The following GLIS3 variants were observed in gnomAD, a reference collection of about 807,000 sequenced individuals.
The protein encoded by GLIS3 is zinc finger protein GLIS3.
In GLIS3, 53 loss-of-function variants were observed where a neutral mutation model predicts 78.6. The ratio of observed to expected loss-of-function variants is 0.67; its 90% CI spans 0.54 to 0.85. The LOEUF (loss-of-function observed/expected upper bound fraction) is 0.85. Ranked by LOEUF, GLIS3 falls within the 40% of genes least tolerant of loss-of-function variation. The probability of loss-of-function intolerance (pLI) is 0.00; values close to 1 mark genes in which losing one functional copy is unlikely to be tolerated. For synonymous variants in GLIS3, 684 were observed against 509.9 expected (o/e 1.34, Z -4.60); for missense variants, 1,703 against 1,231.1 (o/e 1.38, Z -5.74).
chr9:4,449,900 G>A, the GLIS3 span, among the ~76,000 whole-genome samples: 18 of 152,278 alleles, frequency 1.2e-4, 1 homozygote, highest in South Asian at 3.7e-3. Context: ...AAACTAGAGA[G>A]GAAAACCTGA....
At chr9:4,292,148 A>G (rs1489945869) in intron 1 of GLIS3, among the ~76,000 whole-genome samples, 1 of 152,174 alleles carries the variant, frequency 6.6e-6, no homozygotes, top group Non-Finnish European at 1.5e-5. Flanking sequence ...TCTACATTCA[A>G]TGAAGTATTC....
intron 2 of GLIS3, among the ~76,000 whole-genome samples, chr9:4,212,847 G>C (rs551215066): frequency 9.9e-4 from 151 of 152,270 alleles, no homozygotes; most frequent in African/African-American, 3.5e-3. Context: ...GAGCTTCATA[G>C]GCACATTAAA....
intron 9 of GLIS3, among the ~76,000 whole-genome samples, chr9:3,840,753 T>C (rs1818662265): frequency 6.6e-6 from 1 of 152,184 alleles, no homozygotes; most frequent in Non-Finnish European, 1.5e-5. Context: ...AAAGTCCACG[T>C]GGTTCCAAGA....
At chr9:3,836,228 CA>C (rs1818342049) in intron 9 of GLIS3, among the ~76,000 whole-genome samples, 1 of 152,206 alleles carries the variant, frequency 6.6e-6, no homozygotes, top group South Asian at 2.1e-4. Flanking sequence ...AAGCAGATAT[CA>C]GCGGCAGAGG....
the GLIS3 span, among the ~76,000 whole-genome samples, chr9:4,481,888 A>G: frequency 6.6e-6 from 1 of 152,224 alleles, no homozygotes; most frequent in Non-Finnish European, 1.5e-5. Flanking sequence ...GACACTACCC[A>G]TTTCTCCATA....
intron 4 of GLIS3, among the ~76,000 whole-genome samples, chr9:4,064,073 A>C (rs1388236810): frequency 6.6e-6 from 1 of 152,228 alleles, no homozygotes; most frequent in East Asian, 1.9e-4. Flanking sequence ...AACAGAGGAA[A>C]GAATCAAGTA....
chr9:4,463,017 T>C, the GLIS3 span, among the ~76,000 whole-genome samples: 2 of 152,224 alleles, frequency 1.3e-5, no homozygotes, highest in African/African-American at 2.4e-5. Flanking sequence ...ACAATCTTCC[T>C]GGCATTTTTC....
chr9:4,050,738 A>C lies in GLIS3; in HGVS notation c.1710+67030T>G, dbSNP rs574952321. 3.3e-5 allele frequency among the ~76,000 whole-genome samples: 5 copies of C among 152,218 alleles called. No homozygotes were observed. In the South Asian group the frequency reaches 1.0e-3, roughly 32 times the overall value. ...CTTTCCTGTGGGATTCTGATCTTTC[A>C]GTACTAACTTTTTAAAGCCTTCAAA... On this transcript the variant is annotated intron_variant, in intron 4 of 10. Coordinates refer to ENST00000381971, the MANE Select transcript of GLIS3 (RefSeq NM_001042413.2).
At chr9:4,393,182 TTC>T in the GLIS3 span, among the ~76,000 whole-genome samples, 3 of 152,168 alleles carry the variant, frequency 2.0e-5, no homozygotes, top group African/African-American at 7.2e-5. Flanking sequence ...TGCTTACATT[TTC>T]TGTTTTCTCC....
At chr9:4,481,458 C>A in the GLIS3 span, among the ~76,000 whole-genome samples, 6 of 151,436 alleles carry the variant, frequency 4.0e-5, no homozygotes, top group African/African-American at 1.2e-4. Flanking sequence ...CCAGCCTGGG[C>A]AACAGAGCAA....
At chr9:3,939,353 C>T (rs7857436) in intron 4 of GLIS3, among the ~76,000 whole-genome samples, 19,416 of 152,256 alleles carry the variant, frequency 0.13, 1,569 homozygotes, top group Middle Eastern at 0.23. Context: ...TTAATTCAAA[C>T]TGTTCACTTG....
chr9:4,082,192 T>C (rs144982527), intron 4 of GLIS3, among the ~76,000 whole-genome samples: 5 of 152,374 alleles, frequency 3.3e-5, no homozygotes, highest in African/African-American at 1.2e-4. Context: ...AAGAGCATCA[T>C]GCAGGCAGCA....
Position 4,322,686 on chromosome 9 carries a change from T to A in GLIS3, n.265-12158A>T, listed in dbSNP as rs575543907. 7.9e-5 allele frequency among the ~76,000 whole-genome samples: 12 copies of A among 152,364 alleles called. No homozygotes were observed. In the South Asian group the frequency reaches 2.5e-3, roughly 32 times the overall value. Reference sequence around the variant, plus strand: ...GTGATGATGAGCATTTTTTCATGTGTCTGTTGGCTGCATAAAAGTCTTCTT... The same window carrying A: ...GTGATGATGAGCATTTTTTCATGTGACTGTTGGCTGCATAAAAGTCTTCTT... On this transcript the variant is annotated intron_variant and non_coding_transcript_variant, in intron 2 of 4. Coordinates refer to the GLIS3 transcript ENST00000471664.
At chr9:4,391,801 A>G in the GLIS3 span, among the ~76,000 whole-genome samples, 33,919 of 151,964 alleles carry the variant, frequency 0.22, 4,533 homozygotes, top group East Asian at 0.36. Context: ...ATTTTTGGGG[A>G]GGAATGTAAA....
chr9:4,298,524 G>A (rs901338501), intron 1 of GLIS3: 21 of 395,230 alleles, frequency 5.3e-5, no homozygotes, highest in Non-Finnish European at 9.6e-5. Flanking sequence ...GTGTGTCTAG[G>A]AGAGAGCCGG....
At chr9:4,350,513 G>A (rs1051062234), upstream of GLIS3, among the ~76,000 whole-genome samples, 20 of 152,060 alleles carry the variant, frequency 1.3e-4, no homozygotes, top group African/African-American at 3.4e-4. Context: ...TAATCCTGCC[G>A]TACTATATCT....
intron 4 of GLIS3, among the ~76,000 whole-genome samples, chr9:4,092,007 A>C (rs942825615): frequency 4.6e-5 from 7 of 152,164 alleles, no homozygotes; most frequent in Non-Finnish European, 8.8e-5. Context: ...GTTCTGGGTG[A>C]GTGAGTGCTG....
chr9:3,903,447 G>A (rs149578914), intron 6 of GLIS3, among the ~76,000 whole-genome samples: 22 of 152,322 alleles, frequency 1.4e-4, no homozygotes, highest in African/African-American at 5.1e-4. Flanking sequence ...AAGGACTGCC[G>A]TGTTGCATGA....
chr9:4,411,099 C>G, the GLIS3 span, among the ~76,000 whole-genome samples: 1 of 152,064 alleles, frequency 6.6e-6, no homozygotes, highest in African/African-American at 2.4e-5. Flanking sequence ...TATTAGTAAA[C>G]ACAACAGATG....
Sources: allele counts gnomAD v4.1 joint callset (sites outside exome capture counted in the v4.1 genomes callset), GRCh38; gene constraint gnomAD v4.1.1; transcripts MANE v1.5; gene names NCBI Gene and HGNC (gene_info 2026-07-23, HGNC 2026-07-21).